CASP9: variants seen among roughly 807,000 people sequenced by gnomAD.
CASP9 encodes caspase-9.
A neutral mutation model predicts 43.5 loss-of-function variants in CASP9; 29 were observed. That is an observed-to-expected ratio of 0.67 (90% CI 0.50 to 0.91). CASP9 has a LOEUF of 0.91. Among genes scored for constraint, CASP9 ranks in the 40% least tolerant of loss-of-function variants. The probability of loss-of-function intolerance (pLI) is 0.00; values close to 1 mark genes in which losing one functional copy is unlikely to be tolerated. For missense variants in CASP9, 575 were observed against 537.4 expected (o/e 1.07, Z -0.69); for synonymous variants, 206 against 211.9 (o/e 0.97, Z 0.24).
chr1:15,493,567 T>C (rs1708974436), intron 8 of CASP9: 6 of 1,419,778 alleles, frequency 4.2e-6, no homozygotes, highest in Non-Finnish European at 5.5e-6. Context: ...GAGGGGCCCA[T>C]GACCCGCCTT....
chr1:15,507,724 G>C lies in CASP9; in HGVS notation c.453+149C>G, dbSNP rs547422629. ...AATCTGCCCCAGCAGGCGCTGGGCC[G>C]GAGTCAGGGAGGCTGAGACCAGACC... On this transcript the variant is annotated intron_variant, in intron 3 of 8. Transcript: ENST00000333868. 5.0e-5 allele frequency: 35 copies of C among 704,234 alleles called. No individual in the cohort carries two copies. The East Asian group carries it at 8.6e-4, about 17-fold the overall frequency. The allele number at this position is 704,234 out of a possible 1,614,324, so 43.6% of individuals were successfully genotyped here.
intron 1 of CASP9, among the ~76,000 whole-genome samples, chr1:15,522,104 C>G (rs961271181): frequency 1.3e-4 from 20 of 152,174 alleles, no homozygotes; most frequent in African/African-American, 4.6e-4. Flanking sequence ...ATCTTTTTCT[C>G]CCTCAATAAC....
chr1:15,493,822 C>T (rs1210516998), intron 8 of CASP9, 70 bp downstream of exon 8: 1 of 1,545,772 alleles, frequency 6.5e-7, no homozygotes, highest in East Asian at 2.4e-5. Flanking sequence ...ACCCCAAATC[C>T]CCAGCCCCAG....
At position 15,492,926 on chromosome 1, in the gene CASP9, G is replaced by A; in HGVS notation, c.*17C>T. 1.9e-6 allele frequency: 3 copies of A among 1,613,036 alleles called. No homozygotes were observed. Among genetic ancestry groups the A allele is most frequent in the African/African-American group, 1.3e-5 (1 of 75,050 alleles). On this transcript the variant is annotated 3_prime_UTR_variant, in exon 9 of 9. Coordinates refer to ENST00000333868, the MANE Select transcript of CASP9 (RefSeq NM_001229.5). Reference sequence around the variant, plus strand: ...AGCTTTGGGGTGCAAGATAAGGCAGGGTGAGGGGCCCTGGCCTTATGATGT... The same window carrying A: ...AGCTTTGGGGTGCAAGATAAGGCAGAGTGAGGGGCCCTGGCCTTATGATGT...
intron 2 of CASP9, among the ~76,000 whole-genome samples, chr1:15,515,518 C>T (rs1456202981): frequency 6.6e-6 from 1 of 152,226 alleles, no homozygotes; most frequent in African/African-American, 2.4e-5. Flanking sequence ...AAACAACCCA[C>T]ATGTCCATCA....
Position 15,506,045 on chromosome 1 carries a change from T to C in CASP9, c.665A>G (p.Gln222Arg). Residue 222 changes from glutamine (Q) to arginine (R), a missense_variant, in exon 5 of 9, where the codon CAG becomes CGG. Physicochemically the swap from Gln to Arg is conservative, Grantham distance 43 (BLOSUM62 1). Transcript: ENST00000333868. ...GCAGCAGTCCAGAGCACCGTGGTCC[T>C]GCTGCGCCAGCTCCAGCAAAGCCAG... ...MVLALLELAQ[Q>R]DHGALDCCVV... 6.2e-7 allele frequency: 1 copy of C among 1,614,136 alleles called. No individual in the cohort carries two copies. Among genetic ancestry groups the C allele is most frequent in the South Asian group, 1.1e-5 (1 of 91,088 alleles).
At chr1:15,519,222 C>T (rs571350775) in intron 1 of CASP9, among the ~76,000 whole-genome samples, 9 of 152,144 alleles carry the variant, frequency 5.9e-5, no homozygotes, top group Admixed American at 2.6e-4. Context: ...CTCTGTCACC[C>T]AGGCTGGAAT....
intron 1 of CASP9, among the ~76,000 whole-genome samples, chr1:15,521,995 G>C (rs566399761): frequency 1.2e-4 from 18 of 152,302 alleles, no homozygotes; most frequent in Non-Finnish European, 4.4e-5. Flanking sequence ...CTCACTAGCA[G>C]AACAGTTGGC....
chr1:15,492,106 A>G lies in CASP9; in HGVS notation c.*837T>C, dbSNP rs1334313596. On this transcript the variant is annotated 3_prime_UTR_variant, in exon 9 of 9. Coordinates refer to ENST00000333868, the MANE Select transcript of CASP9 (RefSeq NM_001229.5). ...GGGTGCAATGGTGCACGCCTGTAGT[A>G]AGAGCTACTTGGGAGGGTCACTTGA... is the stretch of plus-strand genomic sequence containing the variant. 1 of 151,570 alleles carries G rather than the reference A, an allele frequency of 6.6e-6. No homozygotes were observed. The highest frequency in any genetic ancestry group is 2.0e-4 in the East Asian group (1 of 5,066). 9.4% of individuals were successfully genotyped at this position (151,570 alleles called of 1,614,324 possible).
Position 15,524,062 on chromosome 1 carries a change from G to GGCGGGGA in CASP9, c.132+6_132+7insTCCCCGC, listed in dbSNP as rs1248373979. 1 of 1,495,394 alleles carries GGCGGGGA rather than the reference G, an allele frequency of 6.7e-7. No homozygotes were observed. Among genetic ancestry groups the GGCGGGGA allele is most frequent in the Non-Finnish European group, 8.9e-7 (1 of 1,124,736 alleles). 92.6% of individuals were successfully genotyped at this position (1,495,394 alleles called of 1,614,324 possible). ...TGCAGCGCGGGGACAGGGGGCCGGG[G>GGCGGGGA]GCGCACCTGGATGTCCTCGATCATA... On this transcript the variant is annotated splice_region_variant and intron_variant, in intron 1 of 8. Transcript: ENST00000333868.
chr1:15,495,027 C>T (rs1013218547), intron 7 of CASP9, among the ~76,000 whole-genome samples: 2 of 152,018 alleles, frequency 1.3e-5, no homozygotes, highest in African/African-American at 2.4e-5. Flanking sequence ...AAGGCAGAGG[C>T]AGGGTCAGGC....
chr1:15,508,568 A>G (rs1709612894), intron 2 of CASP9, among the ~76,000 whole-genome samples: 2 of 152,016 alleles, frequency 1.3e-5, no homozygotes, highest in African/African-American at 4.8e-5. Context: ...ACCCACCACC[A>G]TGCCCGGCTA....
At position 15,494,001 on chromosome 1, in the gene CASP9, C is replaced by A. The variant is rs1231391722; in HGVS notation, c.1049G>T (p.Gly350Val). The change falls in exon 8 of 9, where the codon GGT (glycine) becomes GTT (valine). Residue 350 changes from glycine (G) to valine (V), a missense_variant and splice_region_variant. Transcript: ENST00000333868. The stretch of plus-strand genomic sequence containing the variant: ...CTTGGGGTCCCTCCAGGAAACAAAA[C>A]CTTTGGAGGGAGGAGGGCTGAACAC... Reference protein sequence around the residue: ...DIFVSYSTFPGFVSWRDPKSG... With the variant: ...DIFVSYSTFPVFVSWRDPKSG... 1 of 1,582,448 alleles carries A rather than the reference C, an allele frequency of 6.3e-7. No homozygotes were observed. The highest frequency in any genetic ancestry group is 8.6e-7 in the Non-Finnish European group (1 of 1,164,376).
chr1:15,506,240 C>T (rs1372857762), intron 4 of CASP9, among the ~76,000 whole-genome samples, 161 bp from the exon 5 acceptor site: 2 of 151,618 alleles, frequency 1.3e-5, no homozygotes, highest in East Asian at 3.9e-4. Flanking sequence ...TTTGAGGTCA[C>T]GAGTTCGAGA....
At position 15,504,747 on chromosome 1, in the gene CASP9, C is replaced by T. The variant is rs944360352; in HGVS notation, c.732G>A (p.Leu244=). ...ILSHGCQASH[L]QFPGAVYGTD... The stretch of plus-strand genomic sequence containing the variant: ...TGCCGTAGACAGCCCCTGGGAACTG[C>T]AGGTGGCTGGCCTAGAAGACCAAGA... The change falls in exon 6 of 9, where the codon CTG becomes CTA. Residue 244 remains leucine, a synonymous_variant. Transcript: ENST00000333868. 5.0e-6 allele frequency: 8 copies of T among 1,613,108 alleles called. No individual in the cohort carries two copies. The highest frequency in any genetic ancestry group is 6.8e-6 in the Non-Finnish European group (8 of 1,179,638).
chr1:15,499,015 G>A (rs1247030870), intron 6 of CASP9, among the ~76,000 whole-genome samples: 1 of 152,160 alleles, frequency 6.6e-6, no homozygotes, highest in Non-Finnish European at 1.5e-5. Context: ...GGGATGACAG[G>A]CGTGAGCCAC....
At chr1:15,513,116 G>A (rs1006832772) in intron 2 of CASP9, among the ~76,000 whole-genome samples, 3 of 149,132 alleles carry the variant, frequency 2.0e-5, no homozygotes, top group African/African-American at 5.0e-5. Context: ...TGCGGAGATC[G>A]CGCCACTGCA....
At chr1:15,502,235 G>A (rs937926069) in intron 6 of CASP9, among the ~76,000 whole-genome samples, 5 of 152,152 alleles carry the variant, frequency 3.3e-5, no homozygotes, top group African/African-American at 4.8e-5. Flanking sequence ...GAGGCTGCAG[G>A]AGCACAAAGG....
At chr1:15,524,779 C>A, upstream of CASP9, 1 of 1,009,936 alleles carries the variant, frequency 9.9e-7, no homozygotes, top group Non-Finnish European at 1.2e-6. Context: ...GCCCACTCCC[C>A]GGGACGCATC....
Sources: allele counts gnomAD v4.1 joint callset (sites outside exome capture counted in the v4.1 genomes callset), GRCh38; gene constraint gnomAD v4.1.1; transcripts MANE v1.5; gene names NCBI Gene and HGNC (gene_info 2026-07-23, HGNC 2026-07-21).